DLG2: variants seen among roughly 807,000 people sequenced by gnomAD.
DLG2 encodes the protein disks large homolog 2.
Under a neutral mutation model 132.5 loss-of-function variants are expected in DLG2, and 45 were observed. The ratio of observed to expected loss-of-function variants is 0.34; its 90% CI spans 0.27 to 0.44. The LOEUF (loss-of-function observed/expected upper bound fraction) is 0.44, where lower values mean the gene tolerates loss of function less well. Ranked by LOEUF, DLG2 falls within the 20% of genes least tolerant of loss-of-function variation. The probability of loss-of-function intolerance (pLI) is 1.00; values close to 1 mark genes in which losing one functional copy is unlikely to be tolerated. For missense variants in DLG2, 1,045 were observed against 1,196.9 expected, an observed-to-expected ratio of 0.87 and a Z score of 1.87; for synonymous variants, 424 against 419.6, an observed-to-expected ratio of 1.01 and a Z score of -0.13.
chr11:83,920,678 C>G (rs943719499), intron 15 of DLG2, among the ~76,000 whole-genome samples: 1 of 152,132 alleles, frequency 6.6e-6, no homozygotes, highest in Non-Finnish European at 1.5e-5. Flanking sequence ...TTGCTCTCAG[C>G]ACTTTATATA....
intron 18 of DLG2, among the ~76,000 whole-genome samples, chr11:83,728,392 A>G (rs1327832182): frequency 6.6e-6 from 1 of 152,178 alleles, no homozygotes; most frequent in East Asian, 1.9e-4. Flanking sequence ...GACTTTATAC[A>G]GACAGCTCTT....
At chr11:84,296,664 T>C (rs2098092634) in intron 7 of DLG2, among the ~76,000 whole-genome samples, 1 of 152,156 alleles carries the variant, frequency 6.6e-6, no homozygotes, top group Non-Finnish European at 1.5e-5. Flanking sequence ...GGTCTCCAAC[T>C]ACTGGCCTCA....
At chr11:85,397,173 A>G (rs2152956446) in intron 3 of DLG2, among the ~76,000 whole-genome samples, 1 of 152,356 alleles carries the variant, frequency 6.6e-6, no homozygotes, top group East Asian at 1.9e-4. Flanking sequence ...ATATCCAGCC[A>G]AACTAAACTT....
chr11:83,895,576 CA>C (rs2071410868), intron 15 of DLG2, among the ~76,000 whole-genome samples: 1 of 152,138 alleles, frequency 6.6e-6, no homozygotes, highest in Admixed American at 6.5e-5. Context: ...TTTCTTCACA[CA>C]GGGCCCTTTA....
At chr11:85,324,754 T>A (rs1014339602) in intron 3 of DLG2, among the ~76,000 whole-genome samples, 1 of 134,070 alleles carries the variant, frequency 7.5e-6, no homozygotes, top group Non-Finnish European at 1.7e-5. Context: ...GAAAAAGAAG[T>A]TGGGGAGGGA....
intron 3 of DLG2, among the ~76,000 whole-genome samples, chr11:85,446,656 A>G (rs2092023339): frequency 6.6e-6 from 1 of 152,136 alleles, no homozygotes; most frequent in Non-Finnish European, 1.5e-5. Flanking sequence ...TTAAATAACT[A>G]AAATTATGTA....
chr11:84,975,604 G>GA (rs2054788429), intron 6 of DLG2, among the ~76,000 whole-genome samples: 5 of 151,984 alleles, frequency 3.3e-5, no homozygotes, highest in Admixed American at 3.3e-4. Flanking sequence ...TATGTGAGGG[G>GA]AAAAAATCAA....
At chr11:85,533,958 C>A (rs773542938) in intron 3 of DLG2, among the ~76,000 whole-genome samples, 1 of 152,056 alleles carries the variant, frequency 6.6e-6, no homozygotes, top group African/African-American at 2.4e-5. Context: ...AATATATGCC[C>A]ACTAAAATGT....
chr11:85,590,998 C>T (rs1396351672), intron 3 of DLG2, among the ~76,000 whole-genome samples: 4 of 152,170 alleles, frequency 2.6e-5, no homozygotes, highest in Non-Finnish European at 5.9e-5. Flanking sequence ...CAACCAGCCT[C>T]ATACTCATCT....
intron 7 of DLG2, among the ~76,000 whole-genome samples, chr11:84,309,492 C>G (rs2098266136): frequency 6.6e-6 from 1 of 152,198 alleles, no homozygotes; most frequent in South Asian, 2.1e-4. Flanking sequence ...TGAAATGACC[C>G]TGAGCAATTC....
chr11:83,925,849 GA>G (rs1188114120), intron 15 of DLG2, among the ~76,000 whole-genome samples: 1 of 151,974 alleles, frequency 6.6e-6, no homozygotes, highest in African/African-American at 2.4e-5. Flanking sequence ...ATCAAAAGCT[GA>G]AAAACTTACT....
chr11:84,366,824 G>A (rs180978674), intron 7 of DLG2, among the ~76,000 whole-genome samples: 1,891 of 152,130 alleles, frequency 0.012, 15 homozygotes, highest in South Asian at 0.02. Flanking sequence ...AGTCCTGAGC[G>A]CCCTACAAAG....
chr11:85,504,007 T>A (rs959704650), intron 3 of DLG2, among the ~76,000 whole-genome samples: 3 of 152,344 alleles, frequency 2.0e-5, no homozygotes, highest in African/African-American at 7.2e-5. Context: ...CATAAATGTC[T>A]TCTTTTGAGA....
intron 18 of DLG2, among the ~76,000 whole-genome samples, chr11:83,707,946 T>A (rs912758085): frequency 6.6e-6 from 1 of 152,202 alleles, no homozygotes; most frequent in Admixed American, 6.5e-5. Context: ...CTTTGATACT[T>A]TAACTAGTTA....
chr11:84,323,930 T>C (rs552912902), intron 7 of DLG2, among the ~76,000 whole-genome samples: 29 of 152,200 alleles, frequency 1.9e-4, no homozygotes, highest in African/African-American at 6.3e-4. Context: ...TATTGAGTTG[T>C]AGGAGTACCT....
At chr11:84,256,496 TA>T (rs1160412212) in intron 7 of DLG2, among the ~76,000 whole-genome samples, 3 of 152,060 alleles carry the variant, frequency 2.0e-5, no homozygotes, top group Non-Finnish European at 4.4e-5. Flanking sequence ...AGCAAGAAAT[TA>T]ACAGTAACAC....
At chr11:85,130,832 T>C (rs2075643852) in intron 5 of DLG2, among the ~76,000 whole-genome samples, 1 of 152,216 alleles carries the variant, frequency 6.6e-6, no homozygotes, top group Non-Finnish European at 1.5e-5. Context: ...AGTGGTAGAC[T>C]AAATAGATAA....
In DLG2 at chr11:84,383,349, C is replaced by T. The variant is rs183845140; in HGVS notation, c.520-132058G>A. The stretch of plus-strand genomic sequence containing the variant: ...ACGCCTAATATTTATTTCTCTGTTC[C>T]CTGCTGTCCATGCATTTACCTAGTA... On this transcript the variant is annotated intron_variant, in intron 7 of 27. Transcript: ENST00000376104. Among the ~76,000 whole-genome samples the T allele has an allele frequency of 1.7e-3, 252 of 151,828 alleles. 2 individuals are homozygous for T. The highest frequency in any genetic ancestry group is 5.9e-3 in the African/African-American group (244 of 41,428).
At chr11:83,897,210 G>A (rs943680534) in intron 15 of DLG2, among the ~76,000 whole-genome samples, 3 of 152,192 alleles carry the variant, frequency 2.0e-5, no homozygotes, top group African/African-American at 7.2e-5. Flanking sequence ...CAACAGTGTG[G>A]ATGTGATTTT....
Sources: allele counts gnomAD v4.1 joint callset (sites outside exome capture counted in the v4.1 genomes callset), GRCh38; gene constraint gnomAD v4.1.1; transcripts MANE v1.5; gene names NCBI Gene and HGNC (gene_info 2026-07-23, HGNC 2026-07-21).